Variants in ZNF454 observed in about 807,000 individuals in gnomAD.
ZNF454 encodes zinc finger protein 454.
A neutral mutation model predicts 48.2 loss-of-function variants in ZNF454; 30 were observed. That is an observed-to-expected ratio of 0.62 (90% CI 0.47 to 0.84). The LOEUF is 0.84. Among genes scored for constraint, ZNF454 ranks in the 40% least tolerant of loss-of-function variants. ZNF454 has a pLI of 0.00. For missense variants in ZNF454, 510 were observed against 623.1 expected (o/e 0.82, Z 1.93); for synonymous variants, 204 against 211.4 (o/e 0.97, Z 0.30).
chr5:178,970,667 G>C (rs1760222462), downstream of ZNF454, among the ~76,000 whole-genome samples: 1 of 152,076 alleles, frequency 6.6e-6, no homozygotes, highest in African/African-American at 2.4e-5. Flanking sequence ...TCACCATGTT[G>C]GTCAGGCTGG....
chr5:178,960,734 C>A (rs1165159691), intron 4 of ZNF454, among the ~76,000 whole-genome samples: 1 of 151,598 alleles, frequency 6.6e-6, no homozygotes, highest in African/African-American at 2.4e-5. Context: ...GGAGAATTGA[C>A]CCTTTTGTCT....
the ZNF454 span, chr5:178,979,377 G>T: frequency 1.3e-5 from 2 of 152,228 alleles, no homozygotes; most frequent in African/African-American, 4.8e-5. Flanking sequence ...CCTTGTGAAG[G>T]TACTAAATAT....
At chr5:178,986,665 A>G in the ZNF454 span, 2 of 1,602,916 alleles carry the variant, frequency 1.2e-6, no homozygotes, top group Non-Finnish European at 1.7e-6. Context: ...GCCCTTCACC[A>G]TCTTCTTCCG....
At chr5:178,975,165 G>A in the ZNF454 span, among the ~76,000 whole-genome samples, 7 of 152,090 alleles carry the variant, frequency 4.6e-5, no homozygotes, top group South Asian at 6.2e-4. Context: ...AAAATTAGCC[G>A]GGCTACTCAG....
At chr5:178,958,867 G>T (rs1759884604) in intron 4 of ZNF454, among the ~76,000 whole-genome samples, 1 of 151,896 alleles carries the variant, frequency 6.6e-6, no homozygotes, top group South Asian at 2.1e-4. Flanking sequence ...CTTTTATTTT[G>T]TTGTCTGATC....
intron 1 of ZNF454, chr5:178,942,442 C>T (rs565561839): frequency 1.6e-5 from 4 of 245,608 alleles, no homozygotes; most frequent in Non-Finnish European, 2.3e-5. Context: ...CTTGAGATCG[C>T]TCAGTGAGGC....
chr5:178,974,702 C>A, the ZNF454 span, among the ~76,000 whole-genome samples: 4 of 152,032 alleles, frequency 2.6e-5, no homozygotes, highest in African/African-American at 9.7e-5. Context: ...TGCATTGTTC[C>A]TACATTATGC....
In ZNF454 at chr5:178,941,571, A is replaced by C; in HGVS notation, c.-108+127A>C. On this transcript the variant is annotated intron_variant, in intron 1 of 4. Coordinates refer to ENST00000519564, the MANE Select transcript of ZNF454 (RefSeq NM_001178089.3). The surrounding 1 kb of genome is among the most constrained non-coding windows in gnomAD (Gnocchi z 5.5). ...GCCTCTGGCATGTGTCTTGGAGCGG[A>C]CTCCGAGAAGCCCAGGGTTTCCTCT... 2.3e-6 allele frequency: 1 copy of C among 440,036 alleles called. No individual in the cohort carries two copies. Among genetic ancestry groups the C allele is most frequent in the Admixed American group, 2.5e-5 (1 of 40,226 alleles). 27.3% of individuals were successfully genotyped at this position (440,036 alleles called of 1,614,324 possible). A position where few individuals can be genotyped will look rare whatever the true frequency, so the allele number is the denominator to read the frequency against.
the ZNF454 span, among the ~76,000 whole-genome samples, chr5:178,978,083 A>G: frequency 6.6e-6 from 1 of 152,092 alleles, no homozygotes; most frequent in Non-Finnish European, 1.5e-5. Flanking sequence ...TCAGTATTCC[A>G]CTCTGGCTGT....
At chr5:178,945,809 C>T (rs1253970804) in intron 2 of ZNF454, among the ~76,000 whole-genome samples, 2 of 151,858 alleles carry the variant, frequency 1.3e-5, no homozygotes, top group Non-Finnish European at 1.5e-5. Flanking sequence ...GGCCGTGTTC[C>T]AGATGCAGGG....
chr5:178,986,208 G>T, the ZNF454 span: 6 of 1,614,140 alleles, frequency 3.7e-6, no homozygotes, highest in Non-Finnish European at 5.1e-6. Context: ...CCGAGCGCTT[G>T]CCCTGCTCAA....
the ZNF454 span, chr5:178,989,211 A>AGCCCCCCCCCCCCCC: frequency 1.6e-5 from 2 of 121,736 alleles, no homozygotes; most frequent in Non-Finnish European, 2.6e-5. Flanking sequence ...CCCCCTCCCC[A>AGCCCCCCCCCCCCCC]CCCTCACCAC....
At chr5:178,981,920 C>T in the ZNF454 span, 1 of 960,752 alleles carries the variant, frequency 1.0e-6, no homozygotes, top group East Asian at 2.4e-5. The surrounding 1 kb of genome is among the most constrained non-coding windows in gnomAD (Gnocchi z 5.1). Context: ...TCCACACAGT[C>T]CTCACCACAT....
At chr5:178,954,652 A>G (rs1234391107) in intron 4 of ZNF454, among the ~76,000 whole-genome samples, 3 of 152,228 alleles carry the variant, frequency 2.0e-5, no homozygotes, top group Non-Finnish European at 4.4e-5. Context: ...TGTAGCCATC[A>G]CCAAATCAAG....
intron 4 of ZNF454, among the ~76,000 whole-genome samples, chr5:178,955,217 T>C (rs1759700019): frequency 6.6e-6 from 1 of 152,194 alleles, no homozygotes; most frequent in African/African-American, 2.4e-5. Flanking sequence ...CTTATTGCAC[T>C]GGTTAGGACC....
the ZNF454 span, among the ~76,000 whole-genome samples, chr5:178,974,367 G>A: frequency 2.0e-5 from 3 of 152,146 alleles, no homozygotes; most frequent in South Asian, 4.1e-4. Context: ...TCGCCAGGCT[G>A]GAGTGCACTG....
At chr5:178,949,781 T>A (rs563179333) in intron 4 of ZNF454, among the ~76,000 whole-genome samples, 2 of 152,224 alleles carry the variant, frequency 1.3e-5, no homozygotes, top group African/African-American at 4.8e-5. Context: ...CATGCCCAGC[T>A]AATTTTTGTA....
the ZNF454 span, chr5:178,989,396 T>C: frequency 6.2e-7 from 1 of 1,614,096 alleles, no homozygotes; most frequent in East Asian, 2.2e-5. Context: ...CATGAAGTAC[T>C]GGTCAAATCC....
At chr5:178,984,838 G>A in the ZNF454 span, among the ~76,000 whole-genome samples, 38 of 152,204 alleles carry the variant, frequency 2.5e-4, 1 homozygote, top group South Asian at 6.4e-3. Flanking sequence ...TGCTCCAAAC[G>A]GGTGAGCAGG....
Sources: allele counts gnomAD v4.1 joint callset (sites outside exome capture counted in the v4.1 genomes callset), GRCh38; gene constraint gnomAD v4.1.1; non-coding constraint Gnocchi (gnomAD v3.1); transcripts MANE v1.5; gene names NCBI Gene and HGNC (gene_info 2026-07-23, HGNC 2026-07-21).